NXPH1: variants seen among roughly 807,000 people sequenced by gnomAD.
NXPH1 encodes the protein neurexophilin 1.
A neutral mutation model predicts 23.7 loss-of-function variants in NXPH1; 5 were observed. The observed-to-expected ratio is 0.21, with a 90% CI of 0.11 to 0.44. The LOEUF (loss-of-function observed/expected upper bound fraction) is 0.44. Among genes scored for constraint, NXPH1 ranks in the 20% least tolerant of loss-of-function variants. NXPH1 has a pLI of 0.99. For synonymous variants in NXPH1, 144 were observed against 122.2 expected (o/e 1.18, Z -1.18); for missense variants, 324 against 321.6 (o/e 1.01, Z -0.06).
chr7:8,530,154 G>A (rs1457446256), intron 2 of NXPH1, among the ~76,000 whole-genome samples: 1 of 152,168 alleles, frequency 6.6e-6, no homozygotes, highest in Non-Finnish European at 1.5e-5. Context: ...AGAGCCTGTT[G>A]GAAGTGGACT....
At position 8,676,433 on chromosome 7, in the gene NXPH1, C is replaced by T. The variant is rs116232535; in HGVS notation, c.55-74575C>T. Reference sequence around the variant, plus strand: ...CCAAATCAGGCCTCATCTATGCAATCGTGATTTTTATTTTATTTTAGTTAG... The same window carrying T: ...CCAAATCAGGCCTCATCTATGCAATTGTGATTTTTATTTTATTTTAGTTAG... On this transcript the variant is annotated intron_variant, in intron 2 of 2. Transcript: ENST00000405863. 5.7e-3 allele frequency among the ~76,000 whole-genome samples: 872 copies of T among 151,906 alleles called. 8 individuals carry two copies. The highest frequency in any genetic ancestry group is 0.02 in the African/African-American group (831 of 41,418).
Position 8,591,333 on chromosome 7 carries a change from C to T in NXPH1, c.54+155566C>T, listed in dbSNP as rs76553296. 3.6e-3 allele frequency among the ~76,000 whole-genome samples: 547 copies of T among 152,096 alleles called. 6 individuals are homozygous for T. Among genetic ancestry groups the T allele is most frequent in the African/African-American group, 0.013 (534 of 41,522 alleles). Reference sequence around the variant, plus strand: ...GACACAGAGCTAGTAAGTGGTGGATCTAAGATTTAATACTCAAATTGTTTG... The same window carrying T: ...GACACAGAGCTAGTAAGTGGTGGATTTAAGATTTAATACTCAAATTGTTTG... On this transcript the variant is annotated intron_variant, in intron 2 of 2. Transcript: ENST00000405863.
chr7:8,659,864 G>A (rs931199237), intron 2 of NXPH1, among the ~76,000 whole-genome samples: 2 of 152,208 alleles, frequency 1.3e-5, no homozygotes, highest in Non-Finnish European at 2.9e-5. Flanking sequence ...GCACAGCACA[G>A]CAGATAGTCT....
rs1780559336 is a variant in NXPH1 at position 8,751,211 on chromosome 7, C to T, written c.258C>T (p.Asp86=). 2.5e-6 allele frequency: 4 copies of T among 1,613,852 alleles called. No individual in the cohort carries two copies. The highest frequency in any genetic ancestry group is 2.2e-5 in the East Asian group (1 of 44,886). The change falls in exon 3 of 3, where the codon GAC becomes GAT. Residue 86 remains aspartate, a synonymous_variant. Transcript: ENST00000405863. This position sits in a 1 kb window ranked among gnomAD's most constrained non-coding sequence, Gnocchi z 4.5. The part of the protein sequence containing the change: ...YDTPEPYSEQ[D]LWDWLRNSTD... Reference sequence around the variant, plus strand: ...CCCCAGAACCTTATTCTGAGCAAGACCTCTGGGACTGGCTGAGGAACTCCA... The same window carrying T: ...CCCCAGAACCTTATTCTGAGCAAGATCTCTGGGACTGGCTGAGGAACTCCA...
At chr7:8,646,664 A>G (rs1436478116) in intron 2 of NXPH1, among the ~76,000 whole-genome samples, 1 of 152,068 alleles carries the variant, frequency 6.6e-6, no homozygotes, top group Non-Finnish European at 1.5e-5. Context: ...CCAATTTTAT[A>G]ATATGTTTTT....
chr7:8,566,200 T>A (rs967026934), intron 2 of NXPH1, among the ~76,000 whole-genome samples: 2 of 151,800 alleles, frequency 1.3e-5, no homozygotes, highest in African/African-American at 4.8e-5. Context: ...CACCATCGAT[T>A]CTGATGACTC....
intron 2 of NXPH1, among the ~76,000 whole-genome samples, chr7:8,708,291 C>T (rs1342446174): frequency 6.6e-6 from 1 of 152,118 alleles, no homozygotes; most frequent in Non-Finnish European, 1.5e-5. Flanking sequence ...TAAATTTTGT[C>T]ATTCGGTCAA....
chr7:8,561,949 C>T (rs1818453554), intron 2 of NXPH1, among the ~76,000 whole-genome samples: 7 of 151,636 alleles, frequency 4.6e-5, no homozygotes, highest in Admixed American at 4.6e-4. Context: ...TATACATATA[C>T]ATAGTGAAAC....
At chr7:8,492,974 C>G (rs1015832662) in intron 2 of NXPH1, among the ~76,000 whole-genome samples, 3 of 151,976 alleles carry the variant, frequency 2.0e-5, no homozygotes, top group Non-Finnish European at 2.9e-5. Flanking sequence ...AAAATGTAAT[C>G]TATTAGAGTC....
At chr7:8,731,627 G>A (rs564192337) in intron 2 of NXPH1, among the ~76,000 whole-genome samples, 26 of 152,184 alleles carry the variant, frequency 1.7e-4, no homozygotes, top group Admixed American at 1.7e-3. Context: ...GCCCCTGTTG[G>A]AGGGTGCCTC....
intron 2 of NXPH1, among the ~76,000 whole-genome samples, chr7:8,456,101 C>G (rs1816589770): frequency 6.6e-6 from 1 of 152,090 alleles, no homozygotes; most frequent in Non-Finnish European, 1.5e-5. Context: ...ATTGTCTTAC[C>G]TGGGTTACAC....
intron 2 of NXPH1, among the ~76,000 whole-genome samples, chr7:8,678,947 T>G (rs1472092666): frequency 2.5e-5 from 3 of 117,648 alleles, no homozygotes; most frequent in Non-Finnish European, 3.5e-5. Context: ...TTTTTTTTTT[T>G]TTTTTTTTTT....
At chr7:8,661,572 A>G (rs1204471931) in intron 2 of NXPH1, among the ~76,000 whole-genome samples, 1 of 152,166 alleles carries the variant, frequency 6.6e-6, no homozygotes, top group Non-Finnish European at 1.5e-5. Flanking sequence ...AACCAGAAAC[A>G]GAAACTAAGA....
intron 2 of NXPH1, among the ~76,000 whole-genome samples, chr7:8,476,213 A>G (rs974817157): frequency 1.3e-5 from 2 of 152,176 alleles, no homozygotes; most frequent in African/African-American, 4.8e-5. Context: ...AAAGATGCCC[A>G]TGAATCTCTG....
chr7:8,576,998 A>G (rs6463823), intron 2 of NXPH1, among the ~76,000 whole-genome samples: 63,216 of 151,938 alleles, frequency 0.42, 14,908 homozygotes, highest in African/African-American at 0.66. Context: ...TTTAGAAACA[A>G]GGCCAAAGAA....
In NXPH1 at chr7:8,572,708, G is replaced by A. The variant is rs139304257; in HGVS notation, c.54+136941G>A. 1.1e-3 allele frequency among the ~76,000 whole-genome samples: 169 copies of A among 151,886 alleles called. 1 individual carries two copies. Among genetic ancestry groups the A allele is most frequent in the Non-Finnish European group, 2.1e-3 (145 of 67,892 alleles). On this transcript the variant is annotated intron_variant, in intron 2 of 2. Coordinates refer to ENST00000405863, the MANE Select transcript of NXPH1 (RefSeq NM_152745.3). Reference sequence around the variant, plus strand: ...AATACATAATGGAAACCTCCTTTTCGGTTGGATCTGTTTTTTAAAATTTTA... The same window carrying A: ...AATACATAATGGAAACCTCCTTTTCAGTTGGATCTGTTTTTTAAAATTTTA...
chr7:8,544,605 C>G (rs1818172527), intron 2 of NXPH1, among the ~76,000 whole-genome samples: 1 of 151,552 alleles, frequency 6.6e-6, no homozygotes. Flanking sequence ...GTAGACCGTA[C>G]TGAGGCAGAT....
chr7:8,559,993 T>C (rs1004332846), intron 2 of NXPH1, among the ~76,000 whole-genome samples: 1 of 151,702 alleles, frequency 6.6e-6, no homozygotes, highest in African/African-American at 2.4e-5. Context: ...ATGGTAACGG[T>C]AGAGCCATGC....
intron 2 of NXPH1, among the ~76,000 whole-genome samples, chr7:8,532,628 T>C (rs937701535): frequency 6.6e-6 from 1 of 152,124 alleles, no homozygotes; most frequent in Non-Finnish European, 1.5e-5. Flanking sequence ...ATCTGAGGTC[T>C]GAGACCTTCC....
Sources: allele counts gnomAD v4.1 joint callset (sites outside exome capture counted in the v4.1 genomes callset), GRCh38; gene constraint gnomAD v4.1.1; non-coding constraint Gnocchi (gnomAD v3.1); transcripts MANE v1.5; gene names NCBI Gene and HGNC (gene_info 2026-07-23, HGNC 2026-07-21).